PCMTD2: variants seen among roughly 807,000 people sequenced by gnomAD.
PCMTD2 encodes the protein protein-L-isoaspartate O-methyltransferase domain-containing protein 2.
PCMTD2 carries 16 observed loss-of-function variants against 33.4 expected under a neutral mutation model. The observed-to-expected ratio is 0.48, with a 90% CI of 0.32 to 0.73. The LOEUF (loss-of-function observed/expected upper bound fraction) is 0.73. Ranked by LOEUF, PCMTD2 falls within the 30% of genes least tolerant of loss-of-function variation. The pLI, the probability that PCMTD2 is intolerant of heterozygous loss-of-function variation, is 0.03. For synonymous variants in PCMTD2, 161 were observed against 160.8 expected, an observed-to-expected ratio of 1.00 and a Z score of -0.01; for missense variants, 374 against 449.9, an observed-to-expected ratio of 0.83 and a Z score of 1.53.
intron 4 of PCMTD2, among the ~76,000 whole-genome samples, chr20:64,265,881 C>T (rs1311412841): frequency 6.6e-6 from 1 of 152,082 alleles, no homozygotes; most frequent in Admixed American, 6.5e-5. Context: ...AATCCTTTGC[C>T]TAGTGAGAGT....
intron 3 of PCMTD2, among the ~76,000 whole-genome samples, chr20:64,264,921 C>T (rs1054252056): frequency 6.6e-6 from 1 of 152,148 alleles, no homozygotes; most frequent in African/African-American, 2.4e-5. Context: ...GTTTCACCAC[C>T]CCCACATCTC....
intron 2 of PCMTD2, chr20:64,262,965 T>G (rs1040269325): frequency 6.6e-6 from 1 of 152,308 alleles, no homozygotes; most frequent in Non-Finnish European, 1.5e-5. Flanking sequence ...TGTGTCCTCC[T>G]CCCCTGCTAG....
chr20:64,263,113 G>A (rs533523806), intron 2 of PCMTD2, among the ~76,000 whole-genome samples: 166 of 152,302 alleles, frequency 1.1e-3, no homozygotes, highest in African/African-American at 3.8e-3. Flanking sequence ...TGAAGGTGAG[G>A]GGTCAGTGAA....
chr20:64,267,002 C>A (rs1043840748), intron 4 of PCMTD2, among the ~76,000 whole-genome samples: 1 of 152,132 alleles, frequency 6.6e-6, no homozygotes, highest in African/African-American at 2.4e-5. Flanking sequence ...TACGTGGCGA[C>A]TTAATCCTTT....
chr20:64,271,696 C>T lies in PCMTD2; in HGVS notation c.707-1525C>T, dbSNP rs528110911. On this transcript the variant is annotated intron_variant, in intron 5 of 5. Transcript: ENST00000308824. ...GAAATTGGAACCTTAGGGAGCAGCA[C>T]TGGGCTGGATGGAAGAGGAAGAGCC... 14 of 157,710 alleles carry T rather than the reference C, an allele frequency of 8.9e-5. No individual in the cohort carries two copies. The South Asian group carries it at 2.6e-3, about 30-fold the overall frequency. 9.8% of individuals were successfully genotyped at this position (157,710 alleles called of 1,614,324 possible).
intron 2 of PCMTD2, among the ~76,000 whole-genome samples, chr20:64,264,145 G>T (rs1048046762): frequency 2.0e-5 from 3 of 152,222 alleles, no homozygotes; most frequent in Non-Finnish European, 4.4e-5. Context: ...GCCTGTGTCA[G>T]TTCCATTTGC....
At chr20:64,264,598 TAGAA>T (rs1328958354) in intron 3 of PCMTD2, 67 bp downstream of exon 3, 45 of 806,504 alleles carry the variant, frequency 5.6e-5, no homozygotes, top group Middle Eastern at 2.2e-4. Flanking sequence ...TTTGATCAGA[TAGAA>T]AGAAATCATG....
chr20:64,274,102 T>A lies in PCMTD2; in HGVS notation c.*502T>A, dbSNP rs1462524534. 1 of 152,496 alleles carries A rather than the reference T, an allele frequency of 6.6e-6. No homozygotes were observed. Among genetic ancestry groups the A allele is most frequent in the African/African-American group, 2.4e-5 (1 of 41,480 alleles). 9.4% of individuals were successfully genotyped at this position (152,496 alleles called of 1,614,324 possible). A position where few individuals can be genotyped will look rare whatever the true frequency, so the allele number is the denominator to read the frequency against. On this transcript the variant is annotated 3_prime_UTR_variant, in exon 6 of 6. Coordinates refer to ENST00000308824, the MANE Select transcript of PCMTD2 (RefSeq NM_018257.3). ...ATTTTTATGATATGTACCACTTAAT[T>A]ACTGGCACTGAGTATCACTGAATTT... is the stretch of plus-strand genomic sequence containing the variant.
chr20:64,256,234 T>TG (rs1435715929), intron 1 of PCMTD2, among the ~76,000 whole-genome samples: 1 of 152,234 alleles, frequency 6.6e-6, no homozygotes, highest in Non-Finnish European at 1.5e-5. Flanking sequence ...AAGTCTGCCT[T>TG]GGACCCTTTC....
At chr20:64,270,815 T>G (rs1985889429) in intron 5 of PCMTD2, among the ~76,000 whole-genome samples, 1 of 77,212 alleles carries the variant, frequency 1.3e-5, no homozygotes, top group Non-Finnish European at 2.4e-5. Flanking sequence ...GAGGTGTTCG[T>G]TGTGATACGT....
At position 64,274,247 on chromosome 20, in the gene PCMTD2, G is replaced by A. The variant is rs1205071186; in HGVS notation, c.*647G>A. 6.6e-6 allele frequency: 1 copy of A among 151,010 alleles called. No individual in the cohort carries two copies. The highest frequency in any genetic ancestry group is 2.4e-5 in the African/African-American group (1 of 40,972). The allele number at this position is 151,010 out of a possible 1,614,324, so 9.4% of individuals were successfully genotyped here. The stretch of plus-strand genomic sequence containing the variant: ...AAAGGAAAAATTTTGATGGGGTGGA[G>A]GAATGAATTGCCAGATAATCTTTCT... On this transcript the variant is annotated 3_prime_UTR_variant, in exon 6 of 6. Coordinates refer to ENST00000308824, the MANE Select transcript of PCMTD2 (RefSeq NM_018257.3).
chr20:64,259,180 A>G (rs920281070), intron 1 of PCMTD2, among the ~76,000 whole-genome samples: 13 of 152,188 alleles, frequency 8.5e-5, no homozygotes, highest in African/African-American at 3.1e-4. Flanking sequence ...CTGATTTTGC[A>G]TTTGTTAGAA....
Position 64,276,049 on chromosome 20 carries a change from T to A in PCMTD2, c.*2449T>A, listed in dbSNP as rs1986082508. ...CTTAGCATTGCTTCTGCATCCTGTG[T>A]AGGATTCCAATTCTTGAATATGTTC... On this transcript the variant is annotated 3_prime_UTR_variant, in exon 6 of 6. Coordinates refer to ENST00000308824, the MANE Select transcript of PCMTD2 (RefSeq NM_018257.3). 1 of 152,222 alleles carries A rather than the reference T, an allele frequency of 6.6e-6. No individual in the cohort carries two copies. Among genetic ancestry groups the A allele is most frequent in the African/African-American group, 2.4e-5 (1 of 41,470 alleles). The allele number at this position is 152,222 out of a possible 1,614,324, so 9.4% of individuals were successfully genotyped here.
At chr20:64,268,398 C>T (rs889477721) in intron 5 of PCMTD2, among the ~76,000 whole-genome samples, 9 of 152,222 alleles carry the variant, frequency 5.9e-5, no homozygotes, top group African/African-American at 1.9e-4. Context: ...CCCAGGGCGC[C>T]AAGCGCCTGC....
chr20:64,260,212 T>C lies in PCMTD2; in HGVS notation c.247T>C (p.Ser83Pro), dbSNP rs2145754615. The change falls in exon 2 of 6, where the codon TCG becomes CCG. Residue 83 changes from serine to proline, a missense_variant. Transcript: ENST00000308824. The stretch of plus-strand genomic sequence containing the variant: ...AGCCCTAGATCTGCAGCCTGGACTC[T>C]CGTTTCTGAACCTGGGCAGTGGCAC... Reference protein sequence around the residue: ...MEALDLQPGLSFLNLGSGTGY... With the variant: ...MEALDLQPGLPFLNLGSGTGY... 1 of 1,614,000 alleles carries C rather than the reference T, an allele frequency of 6.2e-7. No individual in the cohort carries two copies. The highest frequency in any genetic ancestry group is 1.1e-5 in the South Asian group (1 of 91,086).
chr20:64,262,357 C>T (rs1985458268), intron 2 of PCMTD2, among the ~76,000 whole-genome samples: 2 of 152,088 alleles, frequency 1.3e-5, no homozygotes, highest in Non-Finnish European at 2.9e-5. Context: ...GCTTTTCTTT[C>T]CTGAATCCCC....
intron 2 of PCMTD2, chr20:64,262,423 G>A (rs1279694053): frequency 1.3e-5 from 2 of 152,270 alleles, no homozygotes; most frequent in African/African-American, 4.8e-5. Flanking sequence ...AGGAAGGAAA[G>A]GCCTGTTTTC....
In PCMTD2 at chr20:64,274,518, C is replaced by T. The variant is rs371968408; in HGVS notation, c.*918C>T. The stretch of plus-strand genomic sequence containing the variant: ...GACACCCTCCATCCTCAGAGCAGGT[C>T]GAAAATATTAAATAGACTGGGGACT... On this transcript the variant is annotated 3_prime_UTR_variant, in exon 6 of 6. Coordinates refer to ENST00000308824, the MANE Select transcript of PCMTD2 (RefSeq NM_018257.3). The T allele has an allele frequency of 1.3e-5, 2 of 152,080 alleles. No individual in the cohort carries two copies. The highest frequency in any genetic ancestry group is 2.4e-5 in the African/African-American group (1 of 41,394). The allele number at this position is 152,080 out of a possible 1,614,324, so 9.4% of individuals were successfully genotyped here.
chr20:64,273,153 A>C, intron 5 of PCMTD2, 68 bp from the exon 6 acceptor site: 7 of 1,317,172 alleles, frequency 5.3e-6, no homozygotes, highest in Non-Finnish European at 7.4e-6. Flanking sequence ...TACGGGTCTT[A>C]GGTGTGTAGG....
Sources: allele counts gnomAD v4.1 joint callset (sites outside exome capture counted in the v4.1 genomes callset), GRCh38; gene constraint gnomAD v4.1.1; transcripts MANE v1.5; gene names NCBI Gene and HGNC (gene_info 2026-07-23, HGNC 2026-07-21).